CSMD1: variants seen among roughly 807,000 people sequenced by gnomAD.
The protein encoded by CSMD1 is CUB and Sushi multiple domains 1.
CSMD1 carries 213 observed loss-of-function variants against 417.5 expected under a neutral mutation model. The observed-to-expected ratio is 0.51, with a 90% CI of 0.46 to 0.57. CSMD1 has a LOEUF of 0.57. Ranked by LOEUF, CSMD1 falls within the 20% of genes least tolerant of loss-of-function variation. The pLI is 0.00. For synonymous variants in CSMD1, 2,862 were observed against 1,736.8 expected (o/e 1.65, Z -16.11); for missense variants, 6,923 against 4,529.7 (o/e 1.53, Z -15.17).
chr8:3,644,722 C>T (rs1237732720), intron 7 of CSMD1, among the ~76,000 whole-genome samples: 1 of 151,962 alleles, frequency 6.6e-6, no homozygotes, highest in Non-Finnish European at 1.5e-5. Flanking sequence ...ATTTGTGGGG[C>T]CTGTCAGGGG....
intron 26 of CSMD1, among the ~76,000 whole-genome samples, chr8:3,281,876 G>C (rs969926604): frequency 6.6e-6 from 1 of 152,150 alleles, no homozygotes; most frequent in African/African-American, 2.4e-5. Flanking sequence ...GTTTCTAATG[G>C]TTTAGTACCA....
At chr8:3,392,555 CT>C (rs1376861501) in intron 17 of CSMD1, among the ~76,000 whole-genome samples, 2 of 151,956 alleles carry the variant, frequency 1.3e-5, no homozygotes, top group Non-Finnish European at 2.9e-5. Context: ...GCCTTGGCCC[CT>C]TCCCTCCTGC....
intron 7 of CSMD1, among the ~76,000 whole-genome samples, chr8:3,671,419 A>C (rs1369214348): frequency 6.8e-6 from 1 of 146,840 alleles, no homozygotes; most frequent in African/African-American, 2.5e-5. Flanking sequence ...ACATCCTAAC[A>C]GTACTATATA....
At chr8:3,798,641 AAAAT>A (rs1800293686) in intron 5 of CSMD1, among the ~76,000 whole-genome samples, 1 of 152,152 alleles carries the variant, frequency 6.6e-6, no homozygotes, top group Non-Finnish European at 1.5e-5. Context: ...TGCTATATAA[AAAAT>A]ACATACATTT....
chr8:3,749,502 G>T (rs1442939390), intron 6 of CSMD1, among the ~76,000 whole-genome samples: 1 of 152,130 alleles, frequency 6.6e-6, no homozygotes, highest in East Asian at 1.9e-4. Context: ...CGAGAATAAA[G>T]AATTTGGAGA....
At position 3,091,580 on chromosome 8, in the gene CSMD1, C is replaced by G. The variant is rs746387495; in HGVS notation, c.7221G>C (p.Gln2407His). 1 of 1,610,818 alleles carries G rather than the reference C, an allele frequency of 6.2e-7. No individual in the cohort carries two copies. The highest frequency in any genetic ancestry group is 1.3e-5 in the African/African-American group (1 of 74,806). Residue 2407 changes from glutamine (Q) to histidine (H), a missense_variant, in exon 48 of 70, where the codon CAG (glutamine) becomes CAC (histidine). By Grantham distance (24) the Gln-to-His change is conservative. Transcript: ENST00000635120. ...GGTCAGTGGACCAGCGGAGATATAACTGATTACTCCTGCTTGTAAAATTTG... is the reference window on the plus strand; with the variant it reads ...GGTCAGTGGACCAGCGGAGATATAAGTGATTACTCCTGCTTGTAAAATTTG... Reference protein sequence around the residue: ...EQSNFTSRSNQLYLRWSTDHA... With the variant: ...EQSNFTSRSNHLYLRWSTDHA...
At position 3,000,118 on chromosome 8, in the gene CSMD1, A is replaced by C; in HGVS notation, c.8043T>G (p.Gly2681=). The change falls in exon 53 of 70, where the codon GGT becomes GGG. Residue 2681 remains glycine, a synonymous_variant. Transcript: ENST00000635120. Reference sequence around the variant, plus strand: ...GACCGTTCACAATCGGGTCTGGGGAACCGCAGTGGCCAGCTAAAAATGTTA... The same window carrying C: ...GACCGTTCACAATCGGGTCTGGGGACCCGCAGTGGCCAGCTAAAAATGTTA... ...SETRCLAGHC[G]SPDPIVNGHI... 1 of 1,548,978 alleles carries C rather than the reference A, an allele frequency of 6.5e-7. No homozygotes were observed. The highest frequency in any genetic ancestry group is 2.3e-5 in the East Asian group (1 of 43,634).
chr8:4,241,942 C>G (rs1802430727), intron 3 of CSMD1, among the ~76,000 whole-genome samples: 1 of 152,138 alleles, frequency 6.6e-6, no homozygotes, highest in Admixed American at 6.5e-5. Flanking sequence ...TACCAATTGA[C>G]CAGATTCAGT....
At chr8:3,405,478 A>C (rs1489642690) in intron 15 of CSMD1, among the ~76,000 whole-genome samples, 1 of 152,208 alleles carries the variant, frequency 6.6e-6, no homozygotes, top group Non-Finnish European at 1.5e-5. Flanking sequence ...CATAAGCAAC[A>C]CTGTTATAGG....
intron 2 of CSMD1, among the ~76,000 whole-genome samples, chr8:4,450,632 A>C (rs1388599697): frequency 6.6e-6 from 1 of 152,080 alleles, no homozygotes; most frequent in African/African-American, 2.4e-5. Flanking sequence ...TCAGTCTCCA[A>C]AGAAAAAAAA....
At chr8:2,958,931 G>C (rs561536373) in intron 62 of CSMD1, among the ~76,000 whole-genome samples, 1 of 152,312 alleles carries the variant, frequency 6.6e-6, no homozygotes, top group African/African-American at 2.4e-5. Context: ...ACACTGAATA[G>C]TGTGAAAGGA....
At chr8:3,787,563 G>T (rs989735388) in intron 5 of CSMD1, among the ~76,000 whole-genome samples, 2 of 152,108 alleles carry the variant, frequency 1.3e-5, no homozygotes, top group African/African-American at 2.4e-5. Context: ...AGAAGATACA[G>T]ATTTTCCAGG....
At chr8:3,015,310 G>T (rs1808742582) in intron 52 of CSMD1, among the ~76,000 whole-genome samples, 2 of 152,098 alleles carry the variant, frequency 1.3e-5, no homozygotes, top group African/African-American at 4.8e-5. Context: ...TGCTTTGCTT[G>T]AAAATTGAAT....
intron 7 of CSMD1, among the ~76,000 whole-genome samples, chr8:3,670,516 A>T (rs1798938962): frequency 7.9e-6 from 1 of 126,108 alleles, no homozygotes; most frequent in South Asian, 2.6e-4. Context: ...ATATATATAT[A>T]TCCTATATAC....
At chr8:4,231,718 T>C (rs1801745868) in intron 3 of CSMD1, among the ~76,000 whole-genome samples, 1 of 152,190 alleles carries the variant, frequency 6.6e-6, no homozygotes, top group Non-Finnish European at 1.5e-5. Flanking sequence ...CTTAAGAATG[T>C]GACTGGTAGT....
chr8:4,082,037 G>C (rs1800163501), intron 3 of CSMD1, among the ~76,000 whole-genome samples: 1 of 151,994 alleles, frequency 6.6e-6, no homozygotes, highest in Non-Finnish European at 1.5e-5. Context: ...AGAGAAATTA[G>C]GAAAGCCAAA....
intron 3 of CSMD1, among the ~76,000 whole-genome samples, chr8:4,214,309 A>G (rs926081736): frequency 7.9e-5 from 12 of 152,130 alleles, no homozygotes; most frequent in Admixed American, 7.9e-4. Context: ...TATTAGTTTT[A>G]TTATTTGAGA....
At chr8:3,866,252 G>C (rs552022305) in intron 5 of CSMD1, among the ~76,000 whole-genome samples, 1 of 152,246 alleles carries the variant, frequency 6.6e-6, no homozygotes, top group African/African-American at 2.4e-5. Context: ...AATACCATTT[G>C]TAATTACCTA....
chr8:2,989,808 G>A (rs1179234405), intron 54 of CSMD1, among the ~76,000 whole-genome samples: 1 of 152,190 alleles, frequency 6.6e-6, no homozygotes, highest in African/African-American at 2.4e-5. Context: ...CTCTCATTCT[G>A]CAAGAACAAG....
Sources: gnomAD v4.1 joint callset for allele counts (sites outside exome capture counted in the v4.1 genomes callset) on GRCh38, gnomAD v4.1.1 for gene constraint, MANE v1.5 for transcripts, NCBI Gene and HGNC (gene_info 2026-07-23, HGNC 2026-07-21) for gene names.